The following TLN1 variants were observed in gnomAD, a reference collection of about 807,000 sequenced individuals.
The protein encoded by TLN1 is talin 1.
TLN1 carries 56 observed loss-of-function variants against 292.3 expected under a neutral mutation model. The ratio of observed to expected loss-of-function variants is 0.19; its 90% CI spans 0.15 to 0.24. TLN1 has a LOEUF of 0.24. Ranked by LOEUF, TLN1 falls within the 10% of genes least tolerant of loss-of-function variation. The pLI is 1.00. For missense variants in TLN1, 2,433 were observed against 3,248.2 expected, an observed-to-expected ratio of 0.75 and a Z score of 6.10; for synonymous variants, 1,119 against 1,253.7, an observed-to-expected ratio of 0.89 and a Z score of 2.27.
chr9:35,725,783 C>A, intron 1 of TLN1, 56 bp from the exon 2 acceptor site: 1 of 1,510,196 alleles, frequency 6.6e-7, no homozygotes, highest in Non-Finnish European at 9.0e-7. Flanking sequence ...GAAGAGGCCC[C>A]CCAGATGGTG....
At chr9:35,712,368 G>A (rs1348188134) in intron 27 of TLN1, among the ~76,000 whole-genome samples, 3 of 152,164 alleles carry the variant, frequency 2.0e-5, no homozygotes, top group Non-Finnish European at 4.4e-5. Flanking sequence ...CAAGAGGGCC[G>A]GGCACAGTGG....
chr9:35,711,618 C>A lies in TLN1; in HGVS notation c.3856G>T (p.Val1286Leu). ...QDFSTFLEAG[V>L]EMAGQAPSQE... ...ACCGGAGCCTGGCCTGCCATCTCCA[C>A]ACCAGCTTCCAGGAAGGTGCTGAAG... Residue 1286 changes from valine (V) to leucine (L), a missense_variant, in exon 29 of 57, where the codon GTG becomes TTG. Val to Leu is a conservative substitution (Grantham distance 32). Coordinates refer to ENST00000314888, the MANE Select transcript of TLN1 (RefSeq NM_006289.4). 6.2e-7 allele frequency: 1 copy of A among 1,613,958 alleles called. No homozygotes were observed. Among genetic ancestry groups the A allele is most frequent in the Non-Finnish European group, 8.5e-7 (1 of 1,180,028 alleles).
rs369392032 is a variant in TLN1 at position 35,707,592 on chromosome 9, G to C, written c.4633-104C>G. 353 of 1,573,726 alleles carry C rather than the reference G, an allele frequency of 2.2e-4. 3 individuals are homozygous for C. The African/African-American group carries it at 4.1e-3, about 18-fold the overall frequency. ...TGGGACTTACAGGATTTGGGGAGAGGCTAGGTGGTCAGTCTGAATAGAAAG... is the reference window on the plus strand; with the variant it reads ...TGGGACTTACAGGATTTGGGGAGAGCCTAGGTGGTCAGTCTGAATAGAAAG... On this transcript the variant is annotated intron_variant, in intron 35 of 56. Coordinates refer to ENST00000314888, the MANE Select transcript of TLN1 (RefSeq NM_006289.4). This position sits in a 1 kb window ranked among gnomAD's most constrained non-coding sequence, Gnocchi z 5.6.
rs1052425661 is a variant in TLN1, at chr9:35,699,724, G to C, written c.6768+250C>G. The C allele has an allele frequency of 3.1e-6, 3 of 982,320 alleles. No homozygotes were observed. The highest frequency in any genetic ancestry group is 3.6e-6 in the Non-Finnish European group (3 of 827,254). 60.9% of individuals were successfully genotyped at this position (982,320 alleles called of 1,614,324 possible). On this transcript the variant is annotated intron_variant, in intron 50 of 56. Transcript: ENST00000314888. This position sits in a 1 kb window ranked among gnomAD's most constrained non-coding sequence, Gnocchi z 4.0. ...AGAGGAGACGACGAAAGTAGAGAAG[G>C]GGGTGGTCAGGTGGGAAGGGAGGAG...
At chr9:35,703,538 G>A in intron 48 of TLN1, 22 bp downstream of exon 48, 1 of 1,606,166 alleles carries the variant, frequency 6.2e-7, no homozygotes, top group Non-Finnish European at 8.5e-7. Context: ...CCTAGTCACT[G>A]ATGCCCCAGA....
In TLN1 at chr9:35,712,053, A is replaced by G. The variant is rs761588980; in HGVS notation, c.3633T>C (p.Asn1211=). ...SCLPGQRDVD[N]ALRAVGDASK... ...TGGCATCTCCAACTGCCCTCAGGGCATTATCCACATCGCGCTGGCCAGGTA... is the reference window on the plus strand; with the variant it reads ...TGGCATCTCCAACTGCCCTCAGGGCGTTATCCACATCGCGCTGGCCAGGTA... Residue 1211 remains asparagine (N), a synonymous_variant, in exon 28 of 57, where the codon AAT becomes AAC. Transcript: ENST00000314888. 4 of 1,614,106 alleles carry G rather than the reference A, an allele frequency of 2.5e-6. No individual in the cohort carries two copies. Among genetic ancestry groups the G allele is most frequent in the Non-Finnish European group, 3.4e-6 (4 of 1,180,024 alleles).
rs1188306643 is a variant in TLN1, at chr9:35,716,370, G to A, written c.2625+20C>T. 1.2e-6 allele frequency: 2 copies of A among 1,613,868 alleles called. No homozygotes were observed. The highest frequency in any genetic ancestry group is 2.2e-5 in the East Asian group (1 of 44,890). ...TCCCTCTAGGGTCCAGTCTGGGAGT[G>A]TGCACAGAAGGCTTTGTACCTTGGC... On this transcript the variant is annotated intron_variant, in intron 20 of 56. Transcript: ENST00000314888.
chr9:35,705,045 T>C (rs954978139), intron 43 of TLN1, among the ~76,000 whole-genome samples: 4 of 152,180 alleles, frequency 2.6e-5, no homozygotes, highest in African/African-American at 9.7e-5. Context: ...GTGAGGATTG[T>C]GTTAAGCACA....
rs1183041344 is a variant in TLN1, at chr9:35,720,194, T to C, written c.1309A>G (p.Asn437Asp). The C allele has an allele frequency of 1.2e-6, 2 of 1,600,452 alleles. No individual in the cohort carries two copies. Among genetic ancestry groups the C allele is most frequent in the Non-Finnish European group, 1.7e-6 (2 of 1,173,768 alleles). The change falls in exon 13 of 57, where the codon AAC (asparagine) becomes GAC (aspartate). Residue 437 changes from asparagine to aspartate, a missense_variant. Physicochemically the swap from Asn to Asp is conservative, Grantham distance 23. This residue lies in a region of TLN1 where 617 missense variants were observed against 770.6 expected (regional missense o/e 0.80). Transcript: ENST00000314888. ...KKSTVLQQQY[N>D]RVGKVEHGSV... is the part of the protein sequence containing the mutation. ...CCATGCTCCACTTTCCCCACCCGGT[T>C]GTATTGCTGCTGCAGGACTGTTGAC...
chr9:35,706,398 C>T lies in TLN1; in HGVS notation c.5191-32G>A. 1 of 1,612,618 alleles carries T rather than the reference C, an allele frequency of 6.2e-7. No homozygotes were observed. The highest frequency in any genetic ancestry group is 8.5e-7 in the Non-Finnish European group (1 of 1,179,168). On this transcript the variant is annotated intron_variant, in intron 39 of 56. Coordinates refer to ENST00000314888, the MANE Select transcript of TLN1 (RefSeq NM_006289.4). The surrounding 1 kb of genome is among the most constrained non-coding windows in gnomAD (Gnocchi z 4.2). Reference sequence around the variant, plus strand: ...CAAGGGGTTGGACTAGGGGTCAGGTCCCCTCTCTCTCACCCTACTCCCTGG... The same window carrying T: ...CAAGGGGTTGGACTAGGGGTCAGGTTCCCTCTCTCTCACCCTACTCCCTGG...
chr9:35,708,398 G>A lies in TLN1; in HGVS notation c.4413C>T (p.Asn1471=), dbSNP rs1391002383. ...TCTGGCAGGCCATCTGAATTGCCTGGTTTGCACGGGCAAACTGTGTGGGCT... is the reference window on the plus strand; with the variant it reads ...TCTGGCAGGCCATCTGAATTGCCTGATTTGCACGGGCAAACTGTGTGGGCT... The part of the protein sequence containing the change: ...LVEPTQFARA[N]QAIQMACQSL... Residue 1471 remains asparagine, a synonymous_variant, in exon 34 of 57, where the codon AAC becomes AAT. Transcript: ENST00000314888. The A allele has an allele frequency of 6.2e-7, 1 of 1,611,246 alleles. No homozygotes were observed. The highest frequency in any genetic ancestry group is 8.5e-7 in the Non-Finnish European group (1 of 1,178,566).
Position 35,698,174 on chromosome 9 carries a change from TGG to T in TLN1, c.7372-4_7372-3del. On this transcript the variant is annotated splice_region_variant and splice_polypyrimidine_tract_variant and intron_variant, in intron 55 of 56. Transcript: ENST00000314888. This position sits in a 1 kb window ranked among gnomAD's most constrained non-coding sequence, Gnocchi z 5.3. ...TCGCTTCACTGCGTTGCCAGCAGCC[TGG>T]GCAGAGAGAAAGTGGCCTAGGTTGA... 6.2e-7 allele frequency: 1 copy of T among 1,613,926 alleles called. No homozygotes were observed. The highest frequency in any genetic ancestry group is 8.5e-7 in the Non-Finnish European group (1 of 1,180,022).
At chr9:35,716,312 T>C (rs549714626) in intron 20 of TLN1, 78 bp downstream of exon 20, 1 of 1,504,914 alleles carries the variant, frequency 6.6e-7, no homozygotes, top group African/African-American at 1.4e-5. Flanking sequence ...GTCTCCCTCA[T>C]CAGATGAGGG....
At chr9:35,705,380 A>G (rs1167901007) in intron 43 of TLN1, among the ~76,000 whole-genome samples, 171 bp downstream of exon 43, 1 of 152,012 alleles carries the variant, frequency 6.6e-6, no homozygotes, top group Admixed American at 6.6e-5. Context: ...CTGTGACTGA[A>G]GGCTTTGATC....
intron 21 of TLN1, 35 bp downstream of exon 21, chr9:35,715,024 C>T (rs1451943529): frequency 6.2e-7 from 1 of 1,612,484 alleles, no homozygotes; most frequent in Admixed American, 1.7e-5. Context: ...AGCACCCACA[C>T]TCTCTCTTGC....
At chr9:35,701,485 G>A (rs1319289643) in intron 48 of TLN1, among the ~76,000 whole-genome samples, 6 of 152,272 alleles carry the variant, frequency 3.9e-5, no homozygotes, top group Non-Finnish European at 7.3e-5. Context: ...ATGTTGTCCA[G>A]ACTAGTCTTG....
At position 35,697,820 on chromosome 9, in the gene TLN1, G is replaced by GA; in HGVS notation, c.7596dup (p.Leu2533SerfsTer8). 1 of 1,614,164 alleles carries GA rather than the reference G, an allele frequency of 6.2e-7. No homozygotes were observed. The highest frequency in any genetic ancestry group is 2.2e-5 in the East Asian group (1 of 44,892). ...TGCTCATCTCGAAGCTCTGAAGGCA[G>GA]AAACTTGTACTGCTGCTGCCGGATC... On this transcript the variant is annotated frameshift_variant, in exon 57 of 57. Coordinates refer to ENST00000314888, the MANE Select transcript of TLN1 (RefSeq NM_006289.4). LOFTEE classifies it high-confidence loss of function.
Position 35,706,480 on chromosome 9 carries a change from G to A in TLN1, c.5160C>T (p.Ala1720=), listed in dbSNP as rs879019336. ...SHLIEPLANA[A]RAEASQLGHK... ...GTCCCAGCTGGGAGGCTTCAGCCCG[G>A]GCAGCATTGGCCAGCGGCTCAATGA... is the stretch of plus-strand genomic sequence containing the variant. Residue 1720 remains alanine (A), a synonymous_variant, in exon 39 of 57, where the codon GCC becomes GCT. Coordinates refer to ENST00000314888, the MANE Select transcript of TLN1 (RefSeq NM_006289.4). This position sits in a 1 kb window ranked among gnomAD's most constrained non-coding sequence, Gnocchi z 4.2. The A allele has an allele frequency of 1.1e-5, 17 of 1,614,116 alleles. No homozygotes were observed. The highest frequency in any genetic ancestry group is 1.4e-5 in the Non-Finnish European group (17 of 1,180,026).
At chr9:35,712,424 T>C (rs1326645783) in intron 27 of TLN1, among the ~76,000 whole-genome samples, 1 of 152,064 alleles carries the variant, frequency 6.6e-6, no homozygotes, top group Non-Finnish European at 1.5e-5. Flanking sequence ...GGGGGGCAGA[T>C]CACGAGGTCA....
Sources: gnomAD v4.1 joint callset for allele counts (sites outside exome capture counted in the v4.1 genomes callset) on GRCh38, gnomAD v4.1.1 for gene constraint, gnomAD v4.1.1 regional missense constraint, Gnocchi (gnomAD v3.1) non-coding constraint, MANE v1.5 for transcripts, NCBI Gene and HGNC (gene_info 2026-07-23, HGNC 2026-07-21) for gene names.